Variants in TAF5L observed in about 807,000 individuals in gnomAD.
The protein encoded by TAF5L is TAF5-like RNA polymerase II p300/CBP-associated factor-associated factor 65 kDa subunit 5L.
A neutral mutation model predicts 51.3 loss-of-function variants in TAF5L; 7 were observed. The observed-to-expected ratio is 0.14, with a 90% CI of 0.08 to 0.26. TAF5L has a LOEUF of 0.26. Ranked by LOEUF, TAF5L falls within the 10% of genes least tolerant of loss-of-function variation. TAF5L has a pLI of 1.00. For synonymous variants in TAF5L, 291 were observed against 308.1 expected (o/e 0.94, Z 0.58); for missense variants, 575 against 758.9 (o/e 0.76, Z 2.85).
chr1:229,599,996 G>T (rs1011000321), intron 4 of TAF5L: 31 of 984,976 alleles, frequency 3.1e-5, no homozygotes, highest in Non-Finnish European at 3.5e-5. Flanking sequence ...TTACCTGTTT[G>T]GTTTCTCTAG....
intron 4 of TAF5L, chr1:229,599,275 G>GTTTT: frequency 7.2e-6 from 5 of 689,686 alleles, no homozygotes; most frequent in South Asian, 6.7e-5. Context: ...CTGTTATCCT[G>GTTTT]TTTTTTTTTT....
At chr1:229,613,353 A>AAAG (rs371399557) in intron 2 of TAF5L, among the ~76,000 whole-genome samples, 9 of 150,712 alleles carry the variant, frequency 6.0e-5, no homozygotes, top group African/African-American at 1.2e-4. Context: ...AAAAAAGAAG[A>AAAG]AAGAAGAAGA....
chr1:229,622,875 T>C (rs1044644079), intron 1 of TAF5L, among the ~76,000 whole-genome samples: 8 of 152,238 alleles, frequency 5.3e-5, no homozygotes, highest in African/African-American at 1.7e-4. Context: ...GTGCTGGGAT[T>C]ATCGGCATGA....
chr1:229,594,879 G>A lies in TAF5L; in HGVS notation c.1188C>T (p.Ser396=). ...CGTGGGACCCGCTGGCGAAGTACAG[G>A]CTATATGGACTGATGTCCAGATCCC... is the stretch of plus-strand genomic sequence containing the variant. Residue 396 remains serine (S), a synonymous_variant, in exon 5 of 5, where the codon AGC becomes AGT. Transcript: ENST00000258281. The surrounding 1 kb of genome is among the most constrained non-coding windows in gnomAD (Gnocchi z 7.9). 2.5e-6 allele frequency: 4 copies of A among 1,614,194 alleles called. No individual in the cohort carries two copies. The South Asian group carries it at 3.3e-5, about 13-fold the overall frequency.
intron 3 of TAF5L, chr1:229,607,473 C>T (rs1664639009): frequency 1.0e-6 from 1 of 984,874 alleles, no homozygotes; most frequent in Admixed American, 6.2e-5. Flanking sequence ...CCTTTTTGCT[C>T]ATGTTATTTC....
chr1:229,601,393 G>A, intron 4 of TAF5L: 1 of 985,318 alleles, frequency 1.0e-6, no homozygotes, highest in Non-Finnish European at 1.2e-6. Context: ...AAAATACTTT[G>A]GCCCACAGCT....
intron 1 of TAF5L, among the ~76,000 whole-genome samples, chr1:229,623,520 C>T (rs1416415744): frequency 2.6e-5 from 4 of 152,198 alleles, no homozygotes; most frequent in African/African-American, 7.2e-5. Flanking sequence ...AAATCCCACC[C>T]GCACTTCGCA....
At chr1:229,624,224 A>G (rs1665332014) in intron 1 of TAF5L, among the ~76,000 whole-genome samples, 1 of 152,230 alleles carries the variant, frequency 6.6e-6, no homozygotes, top group African/African-American at 2.4e-5. Context: ...ACAGAAGCTC[A>G]CATAAGCCTC....
intron 4 of TAF5L, chr1:229,600,058 A>G (rs987496687): frequency 2.0e-6 from 2 of 976,738 alleles, no homozygotes; most frequent in East Asian, 1.1e-4. Context: ...ATTTTTTTTA[A>G]TATTCAATAT....
intron 1 of TAF5L, among the ~76,000 whole-genome samples, chr1:229,624,455 A>G (rs987677659): frequency 6.6e-6 from 1 of 152,192 alleles, no homozygotes. Flanking sequence ...TTTTGCCAAA[A>G]AGGAAACGAT....
At chr1:229,623,231 G>A (rs1473402275) in intron 1 of TAF5L, among the ~76,000 whole-genome samples, 3 of 152,188 alleles carry the variant, frequency 2.0e-5, no homozygotes, top group South Asian at 2.1e-4. Context: ...CCAAGATCAC[G>A]CCATTGCACT....
At chr1:229,610,028 T>A (rs1206737586) in intron 3 of TAF5L, 78 bp downstream of exon 3, 22 of 1,229,528 alleles carry the variant, frequency 1.8e-5, no homozygotes, top group Admixed American at 9.6e-5. Context: ...CAGGGCTAAC[T>A]CACAAGCAGT....
At position 229,625,977 on chromosome 1, in the gene TAF5L, TC is replaced by T. The variant is rs1449551232; in HGVS notation, c.-97del. Reference sequence around the variant, plus strand: ...CGTCGTCTCTGCCGCAGGGTCTCACTCCGACGGCCGGCTCAGCTGGGCCCCC... The same window carrying T: ...CGTCGTCTCTGCCGCAGGGTCTCACTCGACGGCCGGCTCAGCTGGGCCCCC... On this transcript the variant is annotated 5_prime_UTR_variant, in exon 1 of 5. Coordinates refer to ENST00000258281, the Ensembl canonical transcript of TAF5L. This position sits in a 1 kb window ranked among gnomAD's most constrained non-coding sequence, Gnocchi z 4.0. 1 of 139,248 alleles carries T rather than the reference TC, an allele frequency of 7.2e-6. No individual in the cohort carries two copies. Among genetic ancestry groups the T allele is most frequent in the Non-Finnish European group, 1.6e-5 (1 of 63,710 alleles). The allele number at this position is 139,248 out of a possible 1,614,324, so 8.6% of individuals were successfully genotyped here.
chr1:229,598,881 T>C (rs982229462), intron 4 of TAF5L, among the ~76,000 whole-genome samples: 2 of 152,036 alleles, frequency 1.3e-5, no homozygotes, highest in African/African-American at 4.8e-5. Flanking sequence ...GTATTTTTCA[T>C]AGAGATGGGG....
intron 1 of TAF5L, among the ~76,000 whole-genome samples, chr1:229,618,655 G>A (rs1345678411): frequency 6.6e-6 from 1 of 152,188 alleles, no homozygotes; most frequent in Non-Finnish European, 1.5e-5. Context: ...GGGAGGTGGA[G>A]ATACATGGAA....
chr1:229,599,212 A>T, intron 4 of TAF5L: 1 of 911,394 alleles, frequency 1.1e-6, no homozygotes, highest in Non-Finnish European at 1.3e-6. Context: ...ATTCAGTTTT[A>T]TTTGGCATAA....
intron 1 of TAF5L, among the ~76,000 whole-genome samples, chr1:229,621,517 A>C (rs1385139075): frequency 6.6e-6 from 1 of 152,198 alleles, no homozygotes; most frequent in Non-Finnish European, 1.5e-5. Flanking sequence ...ACACTCTTCA[A>C]ATCTTCTGTA....
rs1664624263 is a variant in TAF5L, at chr1:229,607,108, T to G, written c.247+2998A>C. On this transcript the variant is annotated intron_variant, in intron 3 of 4. Coordinates refer to ENST00000258281, the Ensembl canonical transcript of TAF5L. ...CACTGTCATGACAATTTAACAAACA[T>G]AAACCCTTCTGACTTATTTATTTTC... 3 of 985,316 alleles carry G rather than the reference T, an allele frequency of 3.0e-6. No homozygotes were observed. The African/African-American group carries it at 5.2e-5, about 17-fold the overall frequency. 61.0% of individuals were successfully genotyped at this position (985,316 alleles called of 1,614,324 possible). A position where few individuals can be genotyped will look rare whatever the true frequency, so the allele number is the denominator to read the frequency against.
chr1:229,623,921 C>A (rs573936351), intron 1 of TAF5L, among the ~76,000 whole-genome samples: 1 of 152,144 alleles, frequency 6.6e-6, no homozygotes, highest in Admixed American at 6.5e-5. Context: ...TGAGGGAGCA[C>A]AACAATGAAT....
Sources: allele counts gnomAD v4.1 joint callset (sites outside exome capture counted in the v4.1 genomes callset), GRCh38; gene constraint gnomAD v4.1.1; non-coding constraint Gnocchi (gnomAD v3.1); transcripts MANE v1.5; gene names NCBI Gene and HGNC (gene_info 2026-07-23, HGNC 2026-07-21).